Variants in ZNF140 observed in about 807,000 individuals in gnomAD.
The protein encoded by ZNF140 is zinc finger protein 140 (clone pHZ-39).
A neutral mutation model predicts 12.9 loss-of-function variants in ZNF140; 13 were observed. That is an observed-to-expected ratio of 1.01 (90% CI 0.66 to 1.60). ZNF140 has a LOEUF of 1.60. ZNF140 is among the 40% of genes most tolerant of loss of function. The probability of loss-of-function intolerance (pLI) is 0.00; values close to 1 mark genes in which losing one functional copy is unlikely to be tolerated. For synonymous variants in ZNF140, 214 were observed against 186.7 expected (o/e 1.15, Z -1.19); for missense variants, 531 against 548.8 (o/e 0.97, Z 0.32).
chr12:133,089,107 G>A (rs55712421), intron 4 of ZNF140, among the ~76,000 whole-genome samples: 1,864 of 152,240 alleles, frequency 0.012, 35 homozygotes, highest in African/African-American at 0.042. Flanking sequence ...CGTTTCTGTC[G>A]TCTGGAAGAG....
chr12:133,083,775 C>T (rs904993340), intron 4 of ZNF140, among the ~76,000 whole-genome samples: 40 of 152,018 alleles, frequency 2.6e-4, no homozygotes, highest in Admixed American at 2.4e-3. Context: ...CTGGCTAACA[C>T]GGTGACACCC....
Position 133,105,879 on chromosome 12 carries a change from T to G in ZNF140, c.602T>G (p.Ile201Ser). 1 of 1,614,088 alleles carries G rather than the reference T, an allele frequency of 6.2e-7. No homozygotes were observed. The highest frequency in any genetic ancestry group is 1.1e-5 in the South Asian group (1 of 91,076). ...CKECGKTFSQ[I>S]SNLVKHQMIH... ...GAATGTGGCAAAACCTTTAGCCAGA[T>G]TTCAAACCTTGTGAAACACCAAATG... The change falls in exon 5 of 5, where the codon ATT (isoleucine) becomes AGT (serine). Residue 201 changes from isoleucine (I) to serine (S), a missense_variant. By Grantham distance (142) the Ile-to-Ser change is moderately radical (BLOSUM62 -2). Transcript: ENST00000355557.
intron 4 of ZNF140, chr12:133,100,948 T>C: frequency 1.1e-5 from 5 of 452,712 alleles, no homozygotes; most frequent in South Asian, 7.9e-5. Context: ...GAATTATTTC[T>C]GGAATTTTCT....
intron 4 of ZNF140, among the ~76,000 whole-genome samples, chr12:133,087,536 G>A (rs79340599): frequency 0.32 from 43,285 of 134,778 alleles, 6,568 homozygotes; most frequent in African/African-American, 0.36. Flanking sequence ...AAAAAAAAAA[G>A]CGGGAGTGGA....
At chr12:133,093,426 GCTAA>G (rs1954962563) in intron 4 of ZNF140, 2 of 698,926 alleles carry the variant, frequency 2.9e-6, no homozygotes, top group East Asian at 2.7e-5. Flanking sequence ...CTTTTTTTCA[GCTAA>G]CTGTGTCAGC....
rs1955434571 is a variant in ZNF140, at chr12:133,103,399, C to T, written c.233-2111C>T. Among the ~76,000 whole-genome samples the T allele has an allele frequency of 3.3e-5, 5 of 151,710 alleles. No individual in the cohort carries two copies. In the South Asian group the frequency reaches 1.0e-3, roughly 32 times the overall value. On this transcript the variant is annotated intron_variant, in intron 4 of 4. Coordinates refer to ENST00000355557, the MANE Select transcript of ZNF140 (RefSeq NM_003440.4). ...TCACTCTGTCAAGTAGCTAGAAGTA[C>T]AGATGCACAGTACCGTGCCTAAGTT...
At chr12:133,100,831 G>T (rs1259866310) in intron 4 of ZNF140, among the ~76,000 whole-genome samples, 2 of 129,258 alleles carry the variant, frequency 1.5e-5, no homozygotes, top group Non-Finnish European at 3.8e-5. Flanking sequence ...CTAACAGGTG[G>T]GTAGCATTCG....
intron 4 of ZNF140, among the ~76,000 whole-genome samples, chr12:133,090,885 C>T (rs7978699): frequency 0.29 from 35,373 of 123,322 alleles, 5,132 homozygotes; most frequent in African/African-American, 0.42. Flanking sequence ...TTCTCTCCAC[C>T]CAAACATCTC....
chr12:133,091,447 A>G (rs887032905), intron 4 of ZNF140, among the ~76,000 whole-genome samples: 2 of 151,392 alleles, frequency 1.3e-5, no homozygotes, highest in African/African-American at 2.4e-5. Context: ...CAGCAAAGCA[A>G]TTGTTTAAAG....
intron 2 of ZNF140, 58 bp from the exon 3 acceptor site, chr12:133,083,045 G>A (rs1954556827): frequency 2.5e-6 from 4 of 1,612,394 alleles, no homozygotes; most frequent in Non-Finnish European, 3.4e-6. Context: ...TTTATTCCTT[G>A]ATGAGGGAGT....
intron 4 of ZNF140, among the ~76,000 whole-genome samples, chr12:133,089,660 A>C (rs1328068903): frequency 6.6e-6 from 1 of 152,032 alleles, no homozygotes; most frequent in Non-Finnish European, 1.5e-5. Flanking sequence ...GTATTCCTTT[A>C]TTATCCTTTT....
chr12:133,096,302 A>G (rs1408321797), intron 4 of ZNF140, among the ~76,000 whole-genome samples: 5 of 151,988 alleles, frequency 3.3e-5, no homozygotes, highest in Non-Finnish European at 1.5e-5. Flanking sequence ...TTGATTTTAT[A>G]CAACACGTTT....
chr12:133,091,528 CTCTTTCT>C (rs2137521633), intron 4 of ZNF140, among the ~76,000 whole-genome samples: 2 of 150,792 alleles, frequency 1.3e-5, no homozygotes, highest in Admixed American at 1.3e-4. Context: ...AGTCTGATCT[CTCTTTCT>C]TTTCCCTACA....
intron 4 of ZNF140, among the ~76,000 whole-genome samples, chr12:133,105,135 A>G (rs1955542198): frequency 6.6e-6 from 1 of 152,182 alleles, no homozygotes; most frequent in African/African-American, 2.4e-5. Flanking sequence ...TCTTTGTGCA[A>G]TCTGACGAAC....
Position 133,083,093 on chromosome 12 carries a change from G to A in ZNF140, c.10-10G>A, listed in dbSNP as rs201916153. ...GTGCTGGTCATGCAAATATCTGTCC[G>A]TCATTTCAGGGGTCAGTGACATTCA... On this transcript the variant is annotated splice_polypyrimidine_tract_variant and intron_variant, in intron 2 of 4. Transcript: ENST00000355557. 4.3e-4 allele frequency: 690 copies of A among 1,614,126 alleles called. 4 individuals are homozygous for A. In the East Asian group the frequency reaches 8.4e-3, roughly 20 times the overall value.
intron 4 of ZNF140, among the ~76,000 whole-genome samples, chr12:133,095,863 G>A (rs955305083): frequency 6.6e-6 from 1 of 151,994 alleles, no homozygotes. Flanking sequence ...CAGCATTACT[G>A]CAAACATATC....
At chr12:133,090,206 C>T (rs892628779) in intron 4 of ZNF140, among the ~76,000 whole-genome samples, 40 of 152,126 alleles carry the variant, frequency 2.6e-4, no homozygotes, top group Non-Finnish European at 5.3e-4. Flanking sequence ...GTGCCACAAT[C>T]GTAGCTCACT....
At chr12:133,093,458 T>C (rs1361010728) in intron 4 of ZNF140, 14 of 699,988 alleles carry the variant, frequency 2.0e-5, no homozygotes, top group Non-Finnish European at 3.6e-5. Flanking sequence ...GCTGGGCCCA[T>C]GTCGACGGCT....
chr12:133,090,795 T>C (rs985621129), intron 4 of ZNF140, among the ~76,000 whole-genome samples: 9 of 137,980 alleles, frequency 6.5e-5, no homozygotes, highest in South Asian at 2.3e-4. Context: ...GCAAAAAACA[T>C]GTGAGCAAAA....
Sources: gnomAD v4.1 joint callset for allele counts (sites outside exome capture counted in the v4.1 genomes callset) on GRCh38, gnomAD v4.1.1 for gene constraint, MANE v1.5 for transcripts, NCBI Gene and HGNC (gene_info 2026-07-23, HGNC 2026-07-21) for gene names.